Variants in NCEH1 observed in about 807,000 individuals in gnomAD.
NCEH1 encodes the protein neutral cholesterol ester hydrolase 1.
Under a neutral mutation model 25.4 loss-of-function variants are expected in NCEH1, and 9 were observed. The observed-to-expected ratio is 0.35, with a 90% confidence interval of 0.21 to 0.62. NCEH1 has a LOEUF of 0.62. Ranked by LOEUF, NCEH1 falls within the 20% of genes least tolerant of loss-of-function variation. The pLI, the probability that NCEH1 is intolerant of heterozygous loss-of-function variation, is 0.72. For synonymous variants in NCEH1, 200 were observed against 199.8 expected (o/e 1.00, Z -0.01); for missense variants, 412 against 501.1 (o/e 0.82, Z 1.70).
chr3:172,695,193 C>T (rs1189700920), intron 1 of NCEH1, among the ~76,000 whole-genome samples: 1 of 152,164 alleles, frequency 6.6e-6, no homozygotes, highest in African/African-American at 2.4e-5. Context: ...ATCTAAAGCC[C>T]TTTGTTGAGG....
intron 3 of NCEH1, among the ~76,000 whole-genome samples, chr3:172,644,245 C>CTCTAGGGCTTTGGGGTGAT (rs1717009819): frequency 6.6e-6 from 1 of 151,770 alleles, no homozygotes; most frequent in South Asian, 2.1e-4. Flanking sequence ...TTTGGGGTGA[C>CTCTAGGGCTTTGGGGTGAT]TCTAGGGCTT....
intron 3 of NCEH1, among the ~76,000 whole-genome samples, chr3:172,644,214 GCTTTTGA>G (rs1717004602): frequency 6.7e-6 from 1 of 149,660 alleles, no homozygotes; most frequent in Non-Finnish European, 1.5e-5. Context: ...TGACTCTAGG[GCTTTTGA>G]GTGACTCTAG....
At chr3:172,641,292 T>G (rs1716840500) in intron 3 of NCEH1, among the ~76,000 whole-genome samples, 1 of 152,194 alleles carries the variant, frequency 6.6e-6, no homozygotes, top group Non-Finnish European at 1.5e-5. Flanking sequence ...GTAAAAATAG[T>G]ATAGCGTTGT....
chr3:172,678,892 A>C (rs1424177136), intron 1 of NCEH1, among the ~76,000 whole-genome samples: 1 of 152,158 alleles, frequency 6.6e-6, no homozygotes, highest in Non-Finnish European at 1.5e-5. Flanking sequence ...CTTGAACATA[A>C]ATTTAATTTA....
intron 1 of NCEH1, among the ~76,000 whole-genome samples, chr3:172,649,626 C>T (rs753782727): frequency 1.3e-5 from 2 of 152,188 alleles, no homozygotes; most frequent in Admixed American, 6.5e-5. Context: ...AGGCAATTAC[C>T]ATTCGAGTTT....
Position 172,675,311 on chromosome 3 carries a change from A to AATTAATT in NCEH1, c.139-27198_139-27197insAATTAAT, listed in dbSNP as rs1560196964. Among the ~76,000 whole-genome samples, 3 of 77,712 alleles carry AATTAATT rather than the reference A, an allele frequency of 3.9e-5. No individual in the cohort carries two copies. In the East Asian group the frequency reaches 1.0e-3, roughly 27 times the overall value. The allele number at this position is 77,712 out of a possible 152,430, so 51.0% of individuals were successfully genotyped here. A position where few individuals can be genotyped will look rare whatever the true frequency, so the allele number is the denominator to read the frequency against. Reference sequence around the variant, plus strand: ...GAGCAAGATCCTGTCTCAAATAAATAAATAAATAAATAAATAAATAAATAA... The same window carrying AATTAATT: ...GAGCAAGATCCTGTCTCAAATAAATAATTAATTAATAAATAAATAAATAAATAAATAA... On this transcript the variant is annotated intron_variant, in intron 1 of 4. Coordinates refer to ENST00000475381, the MANE Select transcript of NCEH1 (RefSeq NM_020792.6).
At chr3:172,655,011 G>C (rs1176952056) in intron 1 of NCEH1, among the ~76,000 whole-genome samples, 4 of 152,248 alleles carry the variant, frequency 2.6e-5, no homozygotes, top group Non-Finnish European at 4.4e-5. Flanking sequence ...AAGCCTAGGA[G>C]AGAAAAGACA....
chr3:172,705,453 CCT>C (rs1288639437), intron 1 of NCEH1, among the ~76,000 whole-genome samples: 1 of 152,042 alleles, frequency 6.6e-6, no homozygotes, highest in African/African-American at 2.4e-5. Context: ...GGATTGAGGC[CCT>C]GAGTTTTGGG....
At chr3:172,677,951 C>T (rs1325809935) in intron 1 of NCEH1, among the ~76,000 whole-genome samples, 2 of 152,222 alleles carry the variant, frequency 1.3e-5, no homozygotes, top group African/African-American at 4.8e-5. Flanking sequence ...AAAAAGCAAG[C>T]ACCAGAACTC....
chr3:172,642,625 G>A (rs199930681), intron 3 of NCEH1, among the ~76,000 whole-genome samples: 6,557 of 105,750 alleles, frequency 0.062, 339 homozygotes, highest in African/African-American at 0.17. Flanking sequence ...AAAAAAAAAA[G>A]AAAAAGAAAA....
intron 1 of NCEH1, among the ~76,000 whole-genome samples, chr3:172,674,421 C>T (rs901798467): frequency 1.6e-5 from 2 of 128,012 alleles, no homozygotes; most frequent in African/African-American, 3.1e-5. Flanking sequence ...CCAGCCTCGG[C>T]GACTGGGAGA....
At chr3:172,677,225 ATCT>A (rs1239811753) in intron 1 of NCEH1, among the ~76,000 whole-genome samples, 1 of 152,220 alleles carries the variant, frequency 6.6e-6, no homozygotes, top group Non-Finnish European at 1.5e-5. Flanking sequence ...AGTTGGGTTA[ATCT>A]TCTGCTTTTT....
In NCEH1 at chr3:172,683,402, CAAAAAAAAAAAAA is replaced by C. The variant is rs1165644401; in HGVS notation, c.138+27432_138+27444del. Among the ~76,000 whole-genome samples, 6 of 15,700 alleles carry C rather than the reference CAAAAAAAAAAAAA, an allele frequency of 3.8e-4. 2 individuals are homozygous for C. The highest frequency in any genetic ancestry group is 3.0e-3 in the East Asian group (1 of 330). The allele number at this position is 15,700 out of a possible 152,430, so 10.3% of individuals were successfully genotyped here. ...TGGGCGACAGAGCGAGACTCCGTCTCAAAAAAAAAAAAAAAAAAAAAAAAAAAGAAGCGGAGGC... is the reference window on the plus strand; with the variant it reads ...TGGGCGACAGAGCGAGACTCCGTCTCAAAAAAAAAAAAAAGAAGCGGAGGC... On this transcript the variant is annotated intron_variant, in intron 1 of 4. Transcript: ENST00000475381.
intron 1 of NCEH1, among the ~76,000 whole-genome samples, chr3:172,665,867 C>T (rs994334000): frequency 8.5e-5 from 13 of 152,178 alleles, no homozygotes; most frequent in African/African-American, 2.7e-4. Flanking sequence ...GGGAATGTCC[C>T]GATTTTCCAG....
intron 1 of NCEH1, among the ~76,000 whole-genome samples, chr3:172,653,745 T>G (rs1281784268): frequency 1.5e-5 from 1 of 68,236 alleles, no homozygotes; most frequent in Middle Eastern, 6.2e-3. Context: ...GTTTTTTTTG[T>G]TTTTTTGTTT....
chr3:172,672,206 T>A (rs1046293635), intron 1 of NCEH1, among the ~76,000 whole-genome samples: 7 of 152,132 alleles, frequency 4.6e-5, no homozygotes, highest in Non-Finnish European at 8.8e-5. Flanking sequence ...CACCAAGTAT[T>A]AGATCTACAA....
At chr3:172,663,805 A>C (rs185988614) in intron 1 of NCEH1, among the ~76,000 whole-genome samples, 85 of 151,338 alleles carry the variant, frequency 5.6e-4, no homozygotes, top group African/African-American at 1.9e-3. Context: ...TTTGTTTTCC[A>C]TTTGCTTGGT....
intron 1 of NCEH1, among the ~76,000 whole-genome samples, chr3:172,662,717 T>C: frequency 6.6e-6 from 1 of 152,224 alleles, no homozygotes; most frequent in Non-Finnish European, 1.5e-5. Flanking sequence ...TCCAGGAATT[T>C]ATCCATTTCT....
At chr3:172,691,147 C>T (rs1174000910) in intron 1 of NCEH1, among the ~76,000 whole-genome samples, 4 of 152,086 alleles carry the variant, frequency 2.6e-5, no homozygotes, top group Non-Finnish European at 5.9e-5. Flanking sequence ...AAACATAGAG[C>T]GGGCTGGACT....
Sources: allele counts gnomAD v4.1 joint callset (sites outside exome capture counted in the v4.1 genomes callset), GRCh38; gene constraint gnomAD v4.1.1; transcripts MANE v1.5; gene names NCBI Gene and HGNC (gene_info 2026-07-23, HGNC 2026-07-21).